UQCRH: variants seen among roughly 807,000 people sequenced by gnomAD.
The protein encoded by UQCRH is ubiquinol-cytochrome c reductase hinge protein, also known as cytochrome b-c1 complex subunit 6, mitochondrial.
Under a neutral mutation model 16.3 loss-of-function variants are expected in UQCRH, and 14 were observed. The ratio of observed to expected loss-of-function variants is 0.86; its 90% CI spans 0.57 to 1.34. UQCRH has a LOEUF of 1.34. UQCRH is among the 40% of genes most tolerant of loss of function. The pLI is 0.00. For synonymous variants in UQCRH, 41 were observed against 41.9 expected, an observed-to-expected ratio of 0.98 and a Z score of 0.08; for missense variants, 89 against 111.9, an observed-to-expected ratio of 0.80 and a Z score of 0.92.
At chr1:46,309,416 G>A (rs986181044) in intron 2 of UQCRH, 8 of 380,348 alleles carry the variant, frequency 2.1e-5, no homozygotes, top group African/African-American at 4.2e-5. Flanking sequence ...TTTGGGCTAG[G>A]CATGGTGGCT....
At chr1:46,308,404 A>C (rs1247263358) in intron 1 of UQCRH, among the ~76,000 whole-genome samples, 1 of 152,178 alleles carries the variant, frequency 6.6e-6, no homozygotes, top group East Asian at 1.9e-4. Flanking sequence ...GCGTAGGTAC[A>C]CTTGCTCAAA....
At chr1:46,311,335 AGGCG>A (rs1661469942) in intron 3 of UQCRH, among the ~76,000 whole-genome samples, 9 of 149,598 alleles carry the variant, frequency 6.0e-5, no homozygotes, top group Admixed American at 2.7e-4. Flanking sequence ...GCGGAGGCGG[AGGCG>A]GAGGCGGAGG....
chr1:46,307,412 C>T (rs950913354), intron 1 of UQCRH, among the ~76,000 whole-genome samples: 2 of 152,126 alleles, frequency 1.3e-5, no homozygotes, highest in Non-Finnish European at 2.9e-5. Flanking sequence ...AGTCCTCTCA[C>T]CTGGCCCTGT....
At chr1:46,309,275 G>A in intron 2 of UQCRH, 148 bp downstream of exon 2, 2 of 882,694 alleles carry the variant, frequency 2.3e-6, no homozygotes, top group Non-Finnish European at 3.4e-6. Flanking sequence ...GCAGTGGAGA[G>A]TTTAGGGTGT....
intron 1 of UQCRH, among the ~76,000 whole-genome samples, chr1:46,305,311 A>AC (rs1553172781): frequency 6.6e-6 from 1 of 151,316 alleles, no homozygotes; most frequent in African/African-American, 2.4e-5. Context: ...AAAAAAAAAA[A>AC]AAAAAAAAAA....
chr1:46,314,176 C>A (rs930812608), intron 3 of UQCRH, among the ~76,000 whole-genome samples: 2 of 151,814 alleles, frequency 1.3e-5, no homozygotes, highest in Admixed American at 1.3e-4. Context: ...TTGAGACTAT[C>A]CTGGCTAACA....
At chr1:46,313,344 A>T (rs1384413024) in intron 3 of UQCRH, among the ~76,000 whole-genome samples, 2 of 151,678 alleles carry the variant, frequency 1.3e-5, no homozygotes, top group African/African-American at 4.9e-5. Context: ...ATATATATAT[A>T]AAAGCCGGGC....
intron 3 of UQCRH, among the ~76,000 whole-genome samples, chr1:46,314,407 A>ATGCC (rs1232555021): frequency 6.6e-6 from 1 of 151,752 alleles, no homozygotes; most frequent in African/African-American, 2.4e-5. Flanking sequence ...ATAGCAGCTC[A>ATGCC]TGCCTGTAAT....
In UQCRH at chr1:46,309,136, T is replaced by C; in HGVS notation, c.81+9T>C. ...AAGAGGAGGAATTAGTGGTAAGAAC[T>C]GTCTCAGGTTTGGAAACATCTCAGT... On this transcript the variant is annotated intron_variant, in intron 2 of 3. Coordinates refer to ENST00000311672, the MANE Select transcript of UQCRH (RefSeq NM_006004.4). 6.2e-7 allele frequency: 1 copy of C among 1,609,802 alleles called. No individual in the cohort carries two copies. Among genetic ancestry groups the C allele is most frequent in the Non-Finnish European group, 8.5e-7 (1 of 1,179,096 alleles).
intron 2 of UQCRH, 163 bp from the exon 3 acceptor site, chr1:46,309,992 G>A (rs1005785453): frequency 2.9e-5 from 43 of 1,485,888 alleles, no homozygotes; most frequent in African/African-American, 1.1e-4. Flanking sequence ...ATGGGAGACC[G>A]CATTCTGCCA....
intron 1 of UQCRH, among the ~76,000 whole-genome samples, chr1:46,306,130 T>C (rs1661369157): frequency 6.6e-6 from 1 of 152,116 alleles, no homozygotes; most frequent in Admixed American, 6.5e-5. Context: ...TCTTTTTATC[T>C]GGTGTGATCT....
At chr1:46,314,780 C>G (rs1431230689) in intron 3 of UQCRH, among the ~76,000 whole-genome samples, 2 of 151,954 alleles carry the variant, frequency 1.3e-5, no homozygotes, top group Non-Finnish European at 2.9e-5. Context: ...TATTGTTCCA[C>G]TTTGGTGAGG....
intron 1 of UQCRH, among the ~76,000 whole-genome samples, chr1:46,307,191 C>T (rs965387944): frequency 6.6e-6 from 1 of 152,038 alleles, no homozygotes; most frequent in Admixed American, 6.5e-5. Flanking sequence ...ATTTCAGGCG[C>T]GTGCCACCAT....
At chr1:46,313,252 G>A (rs979316587) in intron 3 of UQCRH, among the ~76,000 whole-genome samples, 1 of 152,118 alleles carries the variant, frequency 6.6e-6, no homozygotes, top group Admixed American at 6.5e-5. Flanking sequence ...AGAACTTTGC[G>A]AGGTCAAGGC....
chr1:46,309,944 A>T (rs1003681740), intron 2 of UQCRH: 1 of 1,442,102 alleles, frequency 6.9e-7, no homozygotes, highest in Non-Finnish European at 9.1e-7. Context: ...GAAGGCAGGA[A>T]TGTGAAACTT....
intron 3 of UQCRH, among the ~76,000 whole-genome samples, chr1:46,314,815 T>C (rs1006250303): frequency 6.7e-6 from 1 of 148,482 alleles, no homozygotes; most frequent in Admixed American, 7.0e-5. Flanking sequence ...GTCACATTCA[T>C]AGAGACAGAA....
In UQCRH at chr1:46,303,848, C is replaced by T. The variant is rs757179159; in HGVS notation, c.54+28C>T. 1.9e-6 allele frequency: 3 copies of T among 1,614,102 alleles called. No individual in the cohort carries two copies. The South Asian group carries it at 3.3e-5, about 18-fold the overall frequency. On this transcript the variant is annotated intron_variant, in intron 1 of 3. Coordinates refer to ENST00000311672, the MANE Select transcript of UQCRH (RefSeq NM_006004.4). ...AAGGCAAGGCGATCCACTCGGCCCTCTTCTCTGCCCTGAAGCCCAGGACCT... is the reference window on the plus strand; with the variant it reads ...AAGGCAAGGCGATCCACTCGGCCCTTTTCTCTGCCCTGAAGCCCAGGACCT...
chr1:46,309,025 G>T (rs936842841), intron 1 of UQCRH, 76 bp from the exon 2 acceptor site: 57 of 1,498,322 alleles, frequency 3.8e-5, no homozygotes, highest in Admixed American at 1.2e-4. Context: ...TCTATCGTCA[G>T]TAATTACATC....
At chr1:46,309,020 C>A in intron 1 of UQCRH, 81 bp from the exon 2 acceptor site, 1 of 1,454,928 alleles carries the variant, frequency 6.9e-7, no homozygotes, top group Admixed American at 1.7e-5. Context: ...CAGTGTCTAT[C>A]GTCAGTAATT....
Sources: gnomAD v4.1 joint callset for allele counts (sites outside exome capture counted in the v4.1 genomes callset) on GRCh38, gnomAD v4.1.1 for gene constraint, MANE v1.5 for transcripts, NCBI Gene and HGNC (gene_info 2026-07-23, HGNC 2026-07-21) for gene names.